CACNA2D3: variants seen among roughly 807,000 people sequenced by gnomAD.
The protein encoded by CACNA2D3 is calcium voltage-gated channel auxiliary subunit alpha2delta 3, also known as voltage-dependent calcium channel subunit alpha-2/delta-3.
Under a neutral mutation model 160.6 loss-of-function variants are expected in CACNA2D3, and 60 were observed. That is an observed-to-expected ratio of 0.37 (90% CI 0.30 to 0.46). CACNA2D3 has a LOEUF of 0.46. Ranked by LOEUF, CACNA2D3 falls within the 20% of genes least tolerant of loss-of-function variation. The pLI is 1.00. For missense variants in CACNA2D3, 1,205 were observed against 1,365.0 expected (o/e 0.88, Z 1.85); for synonymous variants, 558 against 492.9 (o/e 1.13, Z -1.75).
chr3:54,268,158 G>C (rs916110355), intron 2 of CACNA2D3, among the ~76,000 whole-genome samples: 1 of 152,180 alleles, frequency 6.6e-6, no homozygotes, highest in Non-Finnish European at 1.5e-5. Flanking sequence ...GAGGTTTAAA[G>C]AAGCAGCTCA....
chr3:54,734,705 T>C (rs1410217378), intron 11 of CACNA2D3, among the ~76,000 whole-genome samples: 3 of 152,194 alleles, frequency 2.0e-5, no homozygotes, highest in South Asian at 2.1e-4. Context: ...TTGCCAGTTA[T>C]TACAAAATGG....
intron 35 of CACNA2D3, among the ~76,000 whole-genome samples, chr3:55,058,533 C>G (rs1471129207): frequency 6.6e-6 from 1 of 152,034 alleles, no homozygotes; most frequent in African/African-American, 2.4e-5. Context: ...GGAAAAGTTT[C>G]ACTCCGGTTT....
chr3:54,428,988 G>A (rs1181088462), intron 4 of CACNA2D3, among the ~76,000 whole-genome samples: 1 of 152,206 alleles, frequency 6.6e-6, no homozygotes, highest in Admixed American at 6.5e-5. Context: ...CCCAAGGAGG[G>A]TGAATCTTTG....
intron 27 of CACNA2D3, among the ~76,000 whole-genome samples, chr3:54,959,404 C>T: frequency 6.6e-6 from 1 of 152,196 alleles, no homozygotes; most frequent in East Asian, 1.9e-4. Context: ...AGAAGGTTTG[C>T]AGGCATCCCT....
intron 9 of CACNA2D3, among the ~76,000 whole-genome samples, chr3:54,621,860 T>G (rs557097719): frequency 3.7e-4 from 57 of 152,382 alleles, no homozygotes; most frequent in Middle Eastern, 3.4e-3. Context: ...GTAGTCTGTT[T>G]TAATTTTCAC....
chr3:54,991,404 G>C (rs984393850), intron 31 of CACNA2D3, among the ~76,000 whole-genome samples: 2 of 151,948 alleles, frequency 1.3e-5, no homozygotes, highest in Admixed American at 6.6e-5. Context: ...TGTATTTTTA[G>C]TAGAGACGGG....
chr3:54,646,190 CCTTGCTTCCTTCCTTCCTTCCT>C (rs1699644770), intron 11 of CACNA2D3, among the ~76,000 whole-genome samples: 351 of 15,672 alleles, frequency 0.022, 16 homozygotes, highest in African/African-American at 0.047. Flanking sequence ...CTCCCTCCTT[CCTTGCTTCCTTCCTTCCTTCCT>C]TCCTTCCTTC....
rs568500891 is a variant in CACNA2D3 at position 54,191,042 on chromosome 3, G to A, written c.204+67448G>A. ...GAATTGCTACTTGATCAATGTAGGT[G>A]GAAGCAAAAAAAAAAAAAAAAAAGT... is the stretch of plus-strand genomic sequence containing the variant. On this transcript the variant is annotated intron_variant, in intron 2 of 37. Coordinates refer to ENST00000474759, the MANE Select transcript of CACNA2D3 (RefSeq NM_018398.3). 1.4e-4 allele frequency among the ~76,000 whole-genome samples: 18 copies of A among 131,464 alleles called. No individual in the cohort carries two copies. In the East Asian group the frequency reaches 1.5e-3, roughly 11 times the overall value. The allele number at this position is 131,464 out of a possible 152,430, so 86.2% of individuals were successfully genotyped here.
At chr3:54,363,915 C>T (rs548868345) in intron 3 of CACNA2D3, among the ~76,000 whole-genome samples, 5 of 152,290 alleles carry the variant, frequency 3.3e-5, no homozygotes, top group South Asian at 4.2e-4. Flanking sequence ...CCACCATCAC[C>T]GATGGCTGCC....
chr3:54,677,623 G>A (rs1254839053), intron 11 of CACNA2D3, among the ~76,000 whole-genome samples: 1 of 112,306 alleles, frequency 8.9e-6, no homozygotes. Flanking sequence ...TTTTTTTTGG[G>A]GGGGGGGCAA....
At chr3:54,264,941 T>C (rs1702472736) in intron 2 of CACNA2D3, among the ~76,000 whole-genome samples, 1 of 152,190 alleles carries the variant, frequency 6.6e-6, no homozygotes, top group Non-Finnish European at 1.5e-5. Flanking sequence ...TGCATAGTAT[T>C]CCATGGTGTA....
Position 54,822,786 on chromosome 3 carries a change from CTTTCCTTTCTTTCTTTCTTT to C in CACNA2D3, c.1398+5917_1398+5936del, listed in dbSNP as rs1703650321. Among the ~76,000 whole-genome samples the C allele has an allele frequency of 2.1e-4, 15 of 71,696 alleles. 1 individual carries two copies. The highest frequency in any genetic ancestry group is 1.4e-3 in the Admixed American group (9 of 6,252). The allele number at this position is 71,696 out of a possible 152,430, so 47.0% of individuals were successfully genotyped here. The stretch of plus-strand genomic sequence containing the variant: ...TCTTTCTTTCTTTCTTTCTTTCTTT[CTTTCCTTTCTTTCTTTCTTT>C]CTTTCTTTCTTTCTTTCTTTCTTTC... On this transcript the variant is annotated intron_variant, in intron 14 of 37. Coordinates refer to ENST00000474759, the MANE Select transcript of CACNA2D3 (RefSeq NM_018398.3).
intron 11 of CACNA2D3, among the ~76,000 whole-genome samples, chr3:54,752,186 C>T (rs934780815): frequency 1.3e-5 from 2 of 152,118 alleles, no homozygotes; most frequent in Admixed American, 1.3e-4. Flanking sequence ...AGGGAAATGT[C>T]GAGGGTCTTT....
chr3:54,473,637 G>T (rs1263512595), intron 4 of CACNA2D3, among the ~76,000 whole-genome samples: 1 of 152,146 alleles, frequency 6.6e-6, no homozygotes, highest in African/African-American at 2.4e-5. Context: ...GTATCCATCT[G>T]ACAAAGGACT....
At chr3:54,947,476 G>A (rs1455521550) in intron 27 of CACNA2D3, among the ~76,000 whole-genome samples, 2 of 152,168 alleles carry the variant, frequency 1.3e-5, no homozygotes, top group Admixed American at 1.3e-4. Flanking sequence ...TTCTCAGGAG[G>A]CACTGAAGCA....
chr3:54,404,880 A>G (rs553878458), intron 4 of CACNA2D3, among the ~76,000 whole-genome samples: 12 of 152,158 alleles, frequency 7.9e-5, no homozygotes, highest in African/African-American at 2.2e-4. Context: ...CATCAAAAAT[A>G]AAACAAGATG....
intron 6 of CACNA2D3, 24 bp downstream of exon 6, chr3:54,562,955 T>G (rs1428343477): frequency 1.2e-6 from 2 of 1,607,340 alleles, no homozygotes; most frequent in Non-Finnish European, 8.5e-7. Flanking sequence ...CATTGACAGT[T>G]ATGACTCAGA....
At chr3:54,377,764 G>A (rs1299738390) in intron 3 of CACNA2D3, among the ~76,000 whole-genome samples, 1 of 152,170 alleles carries the variant, frequency 6.6e-6, no homozygotes, top group Non-Finnish European at 1.5e-5. Context: ...ACTTCTTGAG[G>A]CCTAAGACTC....
intron 27 of CACNA2D3, among the ~76,000 whole-genome samples, chr3:54,911,049 A>T (rs371267496): frequency 4.0e-5 from 6 of 151,778 alleles, no homozygotes; most frequent in East Asian, 3.9e-4. Flanking sequence ...ATCCACAACC[A>T]CCCCTCCCAT....
Sources: gnomAD v4.1 joint callset for allele counts (sites outside exome capture counted in the v4.1 genomes callset) on GRCh38, gnomAD v4.1.1 for gene constraint, MANE v1.5 for transcripts, NCBI Gene and HGNC (gene_info 2026-07-23, HGNC 2026-07-21) for gene names.